RBFOX1: variants seen among roughly 807,000 people sequenced by gnomAD.
RBFOX1 encodes the protein RNA binding fox-1 homolog 1.
In RBFOX1, 8 loss-of-function variants were observed where a neutral mutation model predicts 57.7. The ratio of observed to expected loss-of-function variants is 0.14; its 90% CI spans 0.08 to 0.25. The LOEUF is 0.25. RBFOX1 is among the 10% of genes least tolerant of loss of function. The probability of loss-of-function intolerance (pLI) is 1.00; values close to 1 mark genes in which losing one functional copy is unlikely to be tolerated. For missense variants in RBFOX1, 611 were observed against 548.5 expected (o/e 1.11, Z -1.14); for synonymous variants, 326 against 222.4 (o/e 1.47, Z -4.15).
At chr16:5,548,861 GC>G (rs2045340777) in intron 2 of RBFOX1, among the ~76,000 whole-genome samples, 1 of 152,146 alleles carries the variant, frequency 6.6e-6, no homozygotes, top group South Asian at 2.1e-4. Context: ...GAAGGCTGGG[GC>G]CAAGGATGAG....
At chr16:7,462,573 T>G (rs1182307741) in intron 4 of RBFOX1, among the ~76,000 whole-genome samples, 1 of 152,224 alleles carries the variant, frequency 6.6e-6, no homozygotes, top group African/African-American at 2.4e-5. Flanking sequence ...TCGGCATGAC[T>G]CAACTGGGTC....
At chr16:6,575,453 C>T (rs1001416830) in intron 2 of RBFOX1, among the ~76,000 whole-genome samples, 3 of 152,136 alleles carry the variant, frequency 2.0e-5, no homozygotes, top group Admixed American at 2.0e-4. Flanking sequence ...GAGTTAAGTT[C>T]CTGCAGCACA....
chr16:6,003,828 C>T (rs1055718913), intron 4 of RBFOX1, among the ~76,000 whole-genome samples: 1 of 152,192 alleles, frequency 6.6e-6, no homozygotes, highest in East Asian at 1.9e-4. Context: ...CTGTGCCCCC[C>T]AACTGAGGCC....
At chr16:6,727,004 A>G (rs1261143793) in intron 3 of RBFOX1, among the ~76,000 whole-genome samples, 1 of 147,070 alleles carries the variant, frequency 6.8e-6, no homozygotes, top group Non-Finnish European at 1.5e-5. Context: ...CAGAGAAATA[A>G]TGACATACGA....
Position 5,543,528 on chromosome 16 carries a change from A to T in RBFOX1, c.259-55374A>T, listed in dbSNP as rs542741761. Among the ~76,000 whole-genome samples the T allele has an allele frequency of 2.3e-3, 351 of 152,346 alleles. 3 individuals are homozygous for T. The highest frequency in any genetic ancestry group is 8.1e-3 in the African/African-American group (336 of 41,584). On this transcript the variant is annotated intron_variant, in intron 2 of 2. Transcript: ENST00000585867. ...ATAATAATGAGAAAAAGAGAACAGC[A>T]TTAGTAATCTCTGGAACAAGTTCAA...
chr16:5,774,169 T>A (rs529113663), intron 3 of RBFOX1, among the ~76,000 whole-genome samples: 8 of 152,254 alleles, frequency 5.3e-5, no homozygotes, highest in Non-Finnish European at 1.2e-4. Context: ...TTTATCCCCA[T>A]CATGCAGATG....
intron 3 of RBFOX1, among the ~76,000 whole-genome samples, chr16:7,002,657 A>T (rs1013852152): frequency 2.0e-5 from 3 of 152,194 alleles, no homozygotes; most frequent in African/African-American, 7.2e-5. Flanking sequence ...GGTTGCAGGG[A>T]GCCGAGATTG....
intron 12 of RBFOX1, among the ~76,000 whole-genome samples, chr16:7,658,875 G>T (rs1452706318): frequency 6.6e-6 from 1 of 152,150 alleles, no homozygotes; most frequent in Non-Finnish European, 1.5e-5. Context: ...ATAGGCACAT[G>T]CCACCACACC....
At chr16:7,352,278 G>A (rs1312295035) in intron 4 of RBFOX1, among the ~76,000 whole-genome samples, 12 of 152,168 alleles carry the variant, frequency 7.9e-5, no homozygotes, top group Admixed American at 6.5e-4. Context: ...ATCTTTGCAC[G>A]TGTCTTTAAA....
chr16:6,699,018 A>T (rs545638998), intron 3 of RBFOX1, among the ~76,000 whole-genome samples: 24 of 152,192 alleles, frequency 1.6e-4, no homozygotes, highest in Non-Finnish European at 7.3e-5. Flanking sequence ...CTTGGTACAC[A>T]TTAGGTACTA....
At chr16:7,072,227 G>A (rs116426592) in intron 4 of RBFOX1, among the ~76,000 whole-genome samples, 1 of 152,120 alleles carries the variant, frequency 6.6e-6, no homozygotes, top group Non-Finnish European at 1.5e-5. Flanking sequence ...TATGATCACT[G>A]AACCTTCTAT....
chr16:5,738,767 C>T (rs2052671995), intron 3 of RBFOX1, among the ~76,000 whole-genome samples: 1 of 151,928 alleles, frequency 6.6e-6, no homozygotes, highest in Non-Finnish European at 1.5e-5. Context: ...GCATGTGAAT[C>T]AGGAAGTATT....
At chr16:5,538,668 T>C (rs898845330) in intron 2 of RBFOX1, among the ~76,000 whole-genome samples, 6 of 151,218 alleles carry the variant, frequency 4.0e-5, no homozygotes, top group Non-Finnish European at 8.9e-5. Flanking sequence ...CCTTGTTGCC[T>C]AGGCTGGAGT....
intron 3 of RBFOX1, among the ~76,000 whole-genome samples, chr16:6,699,038 G>A (rs561994837): frequency 4.6e-5 from 7 of 152,216 alleles, no homozygotes; most frequent in East Asian, 1.9e-4. Context: ...AAAAATGGGT[G>A]TTTCTGTTAT....
intron 4 of RBFOX1, among the ~76,000 whole-genome samples, chr16:7,314,106 G>T (rs928547514): frequency 1.3e-5 from 2 of 152,122 alleles, no homozygotes; most frequent in African/African-American, 2.4e-5. Flanking sequence ...TTTTGGACTT[G>T]GGGAGGAGGA....
At chr16:6,609,527 A>G (rs1181548793) in intron 2 of RBFOX1, among the ~76,000 whole-genome samples, 3 of 151,908 alleles carry the variant, frequency 2.0e-5, no homozygotes, top group Non-Finnish European at 2.9e-5. Flanking sequence ...TATTTTTTGT[A>G]ACAACGGGGT....
At chr16:6,620,994 T>G (rs958559764) in intron 2 of RBFOX1, among the ~76,000 whole-genome samples, 1 of 152,210 alleles carries the variant, frequency 6.6e-6, no homozygotes, top group Non-Finnish European at 1.5e-5. Flanking sequence ...GCAGGGTTGA[T>G]TCCTACTAGA....
chr16:7,287,344 G>T (rs1249154352), intron 4 of RBFOX1, among the ~76,000 whole-genome samples: 1 of 152,160 alleles, frequency 6.6e-6, no homozygotes, highest in Admixed American at 6.5e-5. Context: ...AAACTTCTTT[G>T]GTGACTATAA....
chr16:6,981,960 G>A (rs1047492476), intron 3 of RBFOX1, among the ~76,000 whole-genome samples: 4 of 152,038 alleles, frequency 2.6e-5, no homozygotes, highest in South Asian at 2.1e-4. Flanking sequence ...CTTTTTATTG[G>A]CACATGAAAA....
Sources: allele counts gnomAD v4.1 joint callset (sites outside exome capture counted in the v4.1 genomes callset), GRCh38; gene constraint gnomAD v4.1.1; transcripts MANE v1.5; gene names NCBI Gene and HGNC (gene_info 2026-07-23, HGNC 2026-07-21).